NIT2: variants seen among roughly 807,000 people sequenced by gnomAD.
NIT2 encodes nitrilase family member 2.
A neutral mutation model predicts 42.7 loss-of-function variants in NIT2; 46 were observed. That is an observed-to-expected ratio of 1.08 (90% CI 0.85 to 1.38). NIT2 has a LOEUF of 1.38. Among genes scored for constraint, NIT2 ranks in the 40% most tolerant of loss-of-function variants. NIT2 has a pLI of 0.00. For synonymous variants in NIT2, 123 were observed against 121.9 expected, an observed-to-expected ratio of 1.01 and a Z score of -0.06; for missense variants, 309 against 342.5, an observed-to-expected ratio of 0.90 and a Z score of 0.77.
Position 100,352,466 on chromosome 3 carries a change from A to G in NIT2, c.647A>G (p.Tyr216Cys), listed in dbSNP as rs1263131142. 5 of 1,613,422 alleles carry G rather than the reference A, an allele frequency of 3.1e-6. No homozygotes were observed. In the African/African-American group the frequency reaches 4.0e-5, roughly 13 times the overall value. ...ASPARDDKASYVAWGHSTVVN... is the reference protein window; with the variant it reads ...ASPARDDKASCVAWGHSTVVN... Reference sequence around the variant, plus strand: ...CCTGCCCGGGATGACAAAGCCTCCTATGTTGCCTGGGGACACAGCACCGTG... The same window carrying G: ...CCTGCCCGGGATGACAAAGCCTCCTGTGTTGCCTGGGGACACAGCACCGTG... The change falls in exon 8 of 10, where the codon TAT becomes TGT. Residue 216 changes from tyrosine to cysteine, a missense_variant. By Grantham distance (194) the Tyr-to-Cys change is radical. Coordinates refer to ENST00000394140, the MANE Select transcript of NIT2 (RefSeq NM_020202.5).
intron 4 of NIT2, among the ~76,000 whole-genome samples, chr3:100,341,596 C>T (rs1706154591): frequency 6.6e-6 from 1 of 152,024 alleles, no homozygotes; most frequent in Non-Finnish European, 1.5e-5. Flanking sequence ...TCTCAATCTC[C>T]TGACCTCATG....
Position 100,334,870 on chromosome 3 carries a change from G to GGCTCGGCCGGCTCA in NIT2, c.7+75_7+88dup, listed in dbSNP as rs1357205413. The GGCTCGGCCGGCTCA allele has an allele frequency of 4.6e-5, 57 of 1,229,740 alleles. 1 individual carries two copies. Among genetic ancestry groups the GGCTCGGCCGGCTCA allele is most frequent in the Middle Eastern group, 3.2e-4 (1 of 3,164 alleles). The allele number at this position is 1,229,740 out of a possible 1,614,324, so 76.2% of individuals were successfully genotyped here. ...GAGGCTTTGGAGCGGCGCCGGCGGT[G>GGCTCGGCCGGCTCA]GCTCGGCCGGCTCAGCCCCTCCGCC... is the stretch of plus-strand genomic sequence containing the variant. On this transcript the variant is annotated intron_variant, in intron 1 of 9. Coordinates refer to ENST00000394140, the MANE Select transcript of NIT2 (RefSeq NM_020202.5).
At chr3:100,348,449 C>A (rs916225313) in intron 6 of NIT2, among the ~76,000 whole-genome samples, 2 of 152,172 alleles carry the variant, frequency 1.3e-5, no homozygotes, top group African/African-American at 4.8e-5. Context: ...GGGTCTTAGC[C>A]CCTAGCGTAG....
Position 100,355,563 on chromosome 3 carries a change from T to C in NIT2, c.*295T>C. The C allele has an allele frequency of 1.0e-5, 3 of 290,500 alleles. No individual in the cohort carries two copies. Among genetic ancestry groups the C allele is most frequent in the Non-Finnish European group, 1.9e-5 (3 of 157,556 alleles). The allele number at this position is 290,500 out of a possible 1,614,324, so 18.0% of individuals were successfully genotyped here. A position where few individuals can be genotyped will look rare whatever the true frequency, so the allele number is the denominator to read the frequency against. On this transcript the variant is annotated 3_prime_UTR_variant, in exon 10 of 10. Coordinates refer to ENST00000394140, the MANE Select transcript of NIT2 (RefSeq NM_020202.5). ...GTATCAGATCTTGGTATCCTGGTGA[T>C]TGATTCACCTAATATAAATATATTT... is the stretch of plus-strand genomic sequence containing the variant.
Position 100,341,149 on chromosome 3 carries a change from A to C in NIT2, c.324A>C (p.Ala108=), listed in dbSNP as rs762629009. ...TTGGGCCTGATGGAACTTTACTAGCAAAGTATAGAAAGGTAAGTAGGAAGT... is the reference window on the plus strand; with the variant it reads ...TTGGGCCTGATGGAACTTTACTAGCCAAGTATAGAAAGGTAAGTAGGAAGT... ...AVFGPDGTLL[A]KYRKIHLFDI... Residue 108 remains alanine, a synonymous_variant, in exon 4 of 10, where the codon GCA becomes GCC. Transcript: ENST00000394140. The C allele has an allele frequency of 6.2e-7, 1 of 1,610,582 alleles. No individual in the cohort carries two copies. The highest frequency in any genetic ancestry group is 2.2e-5 in the East Asian group (1 of 44,850).
intron 7 of NIT2, among the ~76,000 whole-genome samples, chr3:100,351,595 CA>C: frequency 6.6e-6 from 1 of 152,288 alleles, no homozygotes; most frequent in African/African-American, 2.4e-5. Context: ...ACACTTTATA[CA>C]AAAGTTAATT....
At position 100,339,079 on chromosome 3, in the gene NIT2, G is replaced by A. The variant is rs762115120; in HGVS notation, c.8-8G>A. 4.4e-6 allele frequency: 7 copies of A among 1,592,710 alleles called. No individual in the cohort carries two copies. The highest frequency in any genetic ancestry group is 6.0e-6 in the Non-Finnish European group (7 of 1,160,518). On this transcript the variant is annotated splice_region_variant and splice_polypyrimidine_tract_variant and intron_variant, in intron 1 of 9. Transcript: ENST00000394140. ...CTGATAGCTGTTTTCTTTTGTCTTT[G>A]TTCTCAGCTTTCCGCTTGGCCCTCA... is the stretch of plus-strand genomic sequence containing the variant.
At chr3:100,346,387 C>T in intron 6 of NIT2, 132 bp downstream of exon 6, 1 of 737,128 alleles carries the variant, frequency 1.4e-6, no homozygotes, top group Non-Finnish European at 2.2e-6. Flanking sequence ...CTTTCACCCC[C>T]ATGAGGCTTC....
chr3:100,354,110 T>C (rs1217781625), intron 8 of NIT2, among the ~76,000 whole-genome samples: 1 of 152,192 alleles, frequency 6.6e-6, no homozygotes, highest in Non-Finnish European at 1.5e-5. Context: ...TTACCCTGGA[T>C]TGATGAAGGA....
intron 7 of NIT2, 167 bp downstream of exon 7, chr3:100,349,048 C>G (rs1309112285): frequency 1.8e-6 from 1 of 552,802 alleles, no homozygotes; most frequent in Non-Finnish European, 3.2e-6. Context: ...AGGACTTCTA[C>G]TGCACGTCAC....
In NIT2 at chr3:100,361,354, T is replaced by G. The variant is rs11927693; in HGVS notation, c.*6086T>G. On this transcript the variant is annotated 3_prime_UTR_variant, in exon 10 of 10. Coordinates refer to ENST00000394140, the MANE Select transcript of NIT2 (RefSeq NM_020202.5). ...CTCTAGGTAAGCTGTTTCATAGCCT[T>G]CCAGGACAACACTTGCACAGGTTAT... 27,296 of 152,138 alleles carry G rather than the reference T, an allele frequency of 0.18. 2,878 individuals carry two copies. The highest frequency in any genetic ancestry group is 0.24 in the Non-Finnish European group (16,581 of 67,988). The allele number at this position is 152,138 out of a possible 1,614,324, so 9.4% of individuals were successfully genotyped here.
intron 8 of NIT2, among the ~76,000 whole-genome samples, chr3:100,354,537 A>G (rs1706305727): frequency 1.3e-5 from 2 of 152,242 alleles, no homozygotes; most frequent in Non-Finnish European, 2.9e-5. Context: ...TTTTATCACT[A>G]AGCCCTCACA....
Position 100,346,242 on chromosome 3 carries a change from C to G in NIT2, c.492C>G (p.Ile164Met). Residue 164 changes from isoleucine to methionine, a missense_variant, in exon 6 of 10, where the codon ATC becomes ATG. By Grantham distance (10) the Ile-to-Met change is conservative. Coordinates refer to ENST00000394140, the MANE Select transcript of NIT2 (RefSeq NM_020202.5). ...YDMRFAELAQIYAQRGCQLLV... is the reference protein window; with the variant it reads ...YDMRFAELAQMYAQRGCQLLV... ...TGCGGTTTGCAGAGCTTGCACAAATCTACGCACAGAGAGGTGAGGCAGTGT... is the reference window on the plus strand; with the variant it reads ...TGCGGTTTGCAGAGCTTGCACAAATGTACGCACAGAGAGGTGAGGCAGTGT... 2 of 1,614,060 alleles carry G rather than the reference C, an allele frequency of 1.2e-6. No homozygotes were observed. Among genetic ancestry groups the G allele is most frequent in the South Asian group, 1.1e-5 (1 of 91,082 alleles).
rs1320167789 is a variant in NIT2, at chr3:100,356,067, G to T, written c.*799G>T. ...AGCTTGGTTTGAGAATCCTTTTGCG[G>T]TTAAAAATTAGGGACTGAGCCAGGC... On this transcript the variant is annotated 3_prime_UTR_variant, in exon 10 of 10. Transcript: ENST00000394140. The T allele has an allele frequency of 1.3e-5, 2 of 152,196 alleles. No homozygotes were observed. Among genetic ancestry groups the T allele is most frequent in the Non-Finnish European group, 2.9e-5 (2 of 68,058 alleles). The allele number at this position is 152,196 out of a possible 1,614,324, so 9.4% of individuals were successfully genotyped here. A position where few individuals can be genotyped will look rare whatever the true frequency, so the allele number is the denominator to read the frequency against.
In NIT2 at chr3:100,355,279, T is replaced by C; in HGVS notation, c.*11T>C. ...ATGAAAAAGCCCTAAAGTTTATGTT[T>C]CTAATGTGTCACAGAATAGGACGAT... is the stretch of plus-strand genomic sequence containing the variant. On this transcript the variant is annotated 3_prime_UTR_variant, in exon 10 of 10. Coordinates refer to ENST00000394140, the MANE Select transcript of NIT2 (RefSeq NM_020202.5). 6.3e-7 allele frequency: 1 copy of C among 1,579,952 alleles called. No individual in the cohort carries two copies.
chr3:100,354,721 A>T, intron 8 of NIT2, 51 bp from the exon 9 acceptor site: 1 of 1,462,406 alleles, frequency 6.8e-7, no homozygotes, highest in Non-Finnish European at 9.4e-7. Context: ...GAGACCTTGA[A>T]TATCACCAAA....
In NIT2 at chr3:100,360,629, G is replaced by C. The variant is rs1426762563; in HGVS notation, c.*5361G>C. ...CTAAGGTCACCTGATGCTCAGGCCA[G>C]TAATTTCTCCCTGCATCATGCTGTT... On this transcript the variant is annotated 3_prime_UTR_variant, in exon 10 of 10. Coordinates refer to ENST00000394140, the MANE Select transcript of NIT2 (RefSeq NM_020202.5). 6.6e-6 allele frequency: 1 copy of C among 152,156 alleles called. No individual in the cohort carries two copies. The highest frequency in any genetic ancestry group is 2.4e-5 in the African/African-American group (1 of 41,426). 9.4% of individuals were successfully genotyped at this position (152,156 alleles called of 1,614,324 possible).
In NIT2 at chr3:100,357,630, T is replaced by A. The variant is rs1706335747; in HGVS notation, c.*2362T>A. On this transcript the variant is annotated 3_prime_UTR_variant, in exon 10 of 10. Coordinates refer to ENST00000394140, the MANE Select transcript of NIT2 (RefSeq NM_020202.5). ...TAAGGCAGGTGGATGCTAAACTTTTTACATTTCTTTTTTTTTTTTTTTTTT... is the reference window on the plus strand; with the variant it reads ...TAAGGCAGGTGGATGCTAAACTTTTAACATTTCTTTTTTTTTTTTTTTTTT... The A allele has an allele frequency of 6.6e-6, 1 of 151,130 alleles. No homozygotes were observed. The highest frequency in any genetic ancestry group is 1.5e-5 in the Non-Finnish European group (1 of 67,904). 9.4% of individuals were successfully genotyped at this position (151,130 alleles called of 1,614,324 possible). A position where few individuals can be genotyped will look rare whatever the true frequency, so the allele number is the denominator to read the frequency against.
rs562473098 is a variant in NIT2 at position 100,336,699 on chromosome 3, T to C, written c.7+1901T>C. ...CAGTATTGCTGCCCGCCTGTCCCCC[T>C]TCCAGCCCTAAGGCGGTTTTCCCTA... On this transcript the variant is annotated intron_variant, in intron 1 of 9. Transcript: ENST00000394140. Among the ~76,000 whole-genome samples, 27 of 152,340 alleles carry C rather than the reference T, an allele frequency of 1.8e-4. No homozygotes were observed. The East Asian group carries it at 2.5e-3, about 14-fold the overall frequency.
Sources: allele counts gnomAD v4.1 joint callset (sites outside exome capture counted in the v4.1 genomes callset), GRCh38; gene constraint gnomAD v4.1.1; transcripts MANE v1.5; gene names NCBI Gene and HGNC (gene_info 2026-07-23, HGNC 2026-07-21).